The following TBC1D1 variants were observed in gnomAD, a reference collection of about 807,000 sequenced individuals.
TBC1D1 encodes TBC1 (tre-2/USP6, BUB2, cdc16) domain family, member 1.
TBC1D1 carries 89 observed loss-of-function variants against 125.6 expected under a neutral mutation model. The ratio of observed to expected loss-of-function variants is 0.71; its 90% CI spans 0.60 to 0.85. The LOEUF is 0.85. Ranked by LOEUF, TBC1D1 falls within the 40% of genes least tolerant of loss-of-function variation. The pLI, the probability that TBC1D1 is intolerant of heterozygous loss-of-function variation, is 0.00. For missense variants in TBC1D1, 1,377 were observed against 1,469.2 expected (o/e 0.94, Z 1.03); for synonymous variants, 565 against 564.1 (o/e 1.00, Z -0.02).
chr4:37,949,198 T>C (rs1727338589), intron 2 of TBC1D1, among the ~76,000 whole-genome samples: 1 of 152,248 alleles, frequency 6.6e-6, no homozygotes, highest in Non-Finnish European at 1.5e-5. Flanking sequence ...ATCTGGTTCA[T>C]TTTGTATTTA....
At chr4:37,968,015 T>A (rs1341127655) in intron 2 of TBC1D1, among the ~76,000 whole-genome samples, 1 of 152,240 alleles carries the variant, frequency 6.6e-6, no homozygotes, top group African/African-American at 2.4e-5. Flanking sequence ...ACCGATTCTA[T>A]TTTTGGAATG....
intron 12 of TBC1D1, among the ~76,000 whole-genome samples, chr4:38,079,100 C>T (rs1384074384): frequency 1.4e-5 from 2 of 141,692 alleles, no homozygotes; most frequent in African/African-American, 5.5e-5. Flanking sequence ...AGGGGAGGCT[C>T]CCACGGTGGA....
intron 2 of TBC1D1, among the ~76,000 whole-genome samples, chr4:38,002,097 C>T (rs889529242): frequency 1.3e-5 from 2 of 152,102 alleles, no homozygotes; most frequent in African/African-American, 4.8e-5. Context: ...TTCCTGCATT[C>T]GTTCAGGATT....
At chr4:37,893,795 A>G (rs1378772062) in intron 1 of TBC1D1, among the ~76,000 whole-genome samples, 7 of 152,170 alleles carry the variant, frequency 4.6e-5, no homozygotes, top group African/African-American at 1.7e-4. Context: ...CACTGAGTCC[A>G]TTCAGCAGCA....
chr4:37,986,844 G>A (rs1735576956), intron 2 of TBC1D1, among the ~76,000 whole-genome samples: 4 of 152,044 alleles, frequency 2.6e-5, no homozygotes, highest in Admixed American at 2.6e-4. Flanking sequence ...TGGGGTGGGT[G>A]GGGATCCTTT....
At chr4:38,110,630 GC>G in intron 15 of TBC1D1, 1 of 985,312 alleles carries the variant, frequency 1.0e-6, no homozygotes, top group Non-Finnish European at 1.2e-6. Flanking sequence ...GTTTTTTAAT[GC>G]CCATGTTTGA....
chr4:38,072,194 T>C (rs781473700), intron 12 of TBC1D1, among the ~76,000 whole-genome samples: 1 of 151,508 alleles, frequency 6.6e-6, no homozygotes, highest in African/African-American at 2.4e-5. Flanking sequence ...TATGTACACC[T>C]AGAGAGAGAG....
intron 9 of TBC1D1, 114 bp downstream of exon 9, chr4:38,044,604 CT>C (rs1279937060): frequency 1.5e-5 from 17 of 1,139,616 alleles, no homozygotes; most frequent in Admixed American, 3.0e-5. Context: ...AGTATAAAAC[CT>C]TTTTTTATGT....
chr4:37,960,419 G>A lies in TBC1D1; in HGVS notation c.418-54090G>A, dbSNP rs1001655471. 20 of 1,600,558 alleles carry A rather than the reference G, an allele frequency of 1.2e-5. No individual in the cohort carries two copies. In the African/African-American group the frequency reaches 2.2e-4, roughly 17 times the overall value. On this transcript the variant is annotated intron_variant, in intron 2 of 19. Coordinates refer to ENST00000261439, the MANE Select transcript of TBC1D1 (RefSeq NM_015173.4). ...TCTTAGATGAATGTGGCTGTTGAGAGCGGCAATAATCCAGAATGGCTACTC... is the reference window on the plus strand; with the variant it reads ...TCTTAGATGAATGTGGCTGTTGAGAACGGCAATAATCCAGAATGGCTACTC...
intron 2 of TBC1D1, among the ~76,000 whole-genome samples, chr4:37,988,701 G>A (rs1735939370): frequency 6.6e-6 from 1 of 152,126 alleles, no homozygotes; most frequent in Non-Finnish European, 1.5e-5. Context: ...TCCAAACAGA[G>A]CTCTTTGCAT....
chr4:38,015,030 A>C, intron 3 of TBC1D1, 57 bp downstream of exon 3: 5 of 1,422,236 alleles, frequency 3.5e-6, no homozygotes, highest in Non-Finnish European at 4.7e-6. Context: ...TTCAAGAGAA[A>C]ATCTGCTTTA....
At chr4:37,913,785 A>C (rs1577823219) in intron 2 of TBC1D1, among the ~76,000 whole-genome samples, 5 of 136,616 alleles carry the variant, frequency 3.7e-5, no homozygotes, top group Admixed American at 1.5e-4. Context: ...CTTCACCTGC[A>C]CTCCCTTGCC....
At chr4:37,986,975 T>C (rs894019896) in intron 2 of TBC1D1, among the ~76,000 whole-genome samples, 7 of 152,174 alleles carry the variant, frequency 4.6e-5, no homozygotes, top group African/African-American at 1.4e-4. Flanking sequence ...TGTGGCTGTT[T>C]AGCTCCCTAG....
chr4:37,917,231 T>G (rs1719920311), intron 2 of TBC1D1, among the ~76,000 whole-genome samples: 1 of 151,094 alleles, frequency 6.6e-6, no homozygotes, highest in Non-Finnish European at 1.5e-5. Context: ...CCCGGCATTT[T>G]GGGAGGCCGA....
At chr4:38,116,164 T>C (rs886396674) in intron 16 of TBC1D1, among the ~76,000 whole-genome samples, 7 of 152,234 alleles carry the variant, frequency 4.6e-5, no homozygotes, top group Non-Finnish European at 8.8e-5. Flanking sequence ...AATTTGTAGA[T>C]TGGAAAACTG....
intron 12 of TBC1D1, among the ~76,000 whole-genome samples, chr4:38,067,108 T>C (rs948646324): frequency 2.0e-5 from 3 of 151,980 alleles, no homozygotes; most frequent in African/African-American, 4.8e-5. Flanking sequence ...ATCTCTTGAC[T>C]TTGTGATCTG....
chr4:37,997,648 A>T (rs1211349485), intron 2 of TBC1D1, among the ~76,000 whole-genome samples: 1 of 152,222 alleles, frequency 6.6e-6, no homozygotes, highest in Non-Finnish European at 1.5e-5. Context: ...GCCCAAATAC[A>T]TATTCCTACC....
chr4:38,001,687 TC>T (rs1421526746), intron 2 of TBC1D1, among the ~76,000 whole-genome samples: 1 of 152,218 alleles, frequency 6.6e-6, no homozygotes, highest in African/African-American at 2.4e-5. Flanking sequence ...ATTACCCAGT[TC>T]CCTCAGGAAA....
intron 2 of TBC1D1, among the ~76,000 whole-genome samples, chr4:38,000,247 C>G (rs894386158): frequency 1.3e-5 from 2 of 152,174 alleles, no homozygotes; most frequent in Non-Finnish European, 2.9e-5. Context: ...TAGCTGATAC[C>G]TCCCATCCTC....
Sources: gnomAD v4.1 joint callset for allele counts (sites outside exome capture counted in the v4.1 genomes callset) on GRCh38, gnomAD v4.1.1 for gene constraint, MANE v1.5 for transcripts, NCBI Gene and HGNC (gene_info 2026-07-23, HGNC 2026-07-21) for gene names.